Variants in NCKAP1 observed in about 807,000 individuals in gnomAD.
NCKAP1 encodes nck-associated protein 1.
In NCKAP1, 21 loss-of-function variants were observed where a neutral mutation model predicts 151.2. The ratio of observed to expected loss-of-function variants is 0.14; its 90% CI spans 0.10 to 0.20. NCKAP1 has a LOEUF of 0.20. Ranked by LOEUF, NCKAP1 falls within the 10% of genes least tolerant of loss-of-function variation. The pLI is 1.00. For synonymous variants in NCKAP1, 484 were observed against 451.8 expected (o/e 1.07, Z -0.90); for missense variants, 933 against 1,352.1 (o/e 0.69, Z 4.86).
At chr2:182,996,052 T>G (rs1349140264) in intron 6 of NCKAP1, among the ~76,000 whole-genome samples, 1 of 152,220 alleles carries the variant, frequency 6.6e-6, no homozygotes, top group Non-Finnish European at 1.5e-5. Context: ...TTCTGCGTTT[T>G]TGAGCAAAAG....
intron 17 of NCKAP1, 79 bp downstream of exon 17, chr2:182,964,597 T>C (rs532846599): frequency 8.0e-7 from 1 of 1,249,688 alleles, no homozygotes; most frequent in East Asian, 2.7e-5. Context: ...TAATTATGAC[T>C]GTAAATATTT....
intron 6 of NCKAP1, among the ~76,000 whole-genome samples, 200 bp from the exon 7 acceptor site, chr2:182,996,038 C>G (rs1321434433): frequency 6.6e-6 from 1 of 152,200 alleles, no homozygotes; most frequent in African/African-American, 2.4e-5. Context: ...AAAAGCTACA[C>G]AGATTCTGCG....
intron 1 of NCKAP1, chr2:183,024,940 G>C: frequency 6.2e-7 from 1 of 1,609,352 alleles, no homozygotes; most frequent in Admixed American, 1.7e-5. Context: ...TCTGAAAGCG[G>C]GCAAGCGGGC....
chr2:182,962,629 C>T (rs763588265), intron 17 of NCKAP1, among the ~76,000 whole-genome samples: 1 of 152,078 alleles, frequency 6.6e-6, no homozygotes, highest in Non-Finnish European at 1.5e-5. Context: ...TGAAAGCAAA[C>T]AGATTTAGAG....
chr2:182,953,081 C>T (rs375642506), intron 21 of NCKAP1, 32 bp downstream of exon 21: 23 of 1,553,952 alleles, frequency 1.5e-5, no homozygotes, highest in South Asian at 4.8e-5. Context: ...ACAAATTTTC[C>T]GCTACTACAA....
At chr2:182,962,349 T>C (rs902832400) in intron 17 of NCKAP1, 71 bp from the exon 18 acceptor site, 3 of 1,384,136 alleles carry the variant, frequency 2.2e-6, no homozygotes, top group African/African-American at 1.4e-5. Flanking sequence ...GACTTCTAAA[T>C]AGACATGGAA....
chr2:182,936,543 A>G (rs1419069956), intron 24 of NCKAP1, among the ~76,000 whole-genome samples: 1 of 152,160 alleles, frequency 6.6e-6, no homozygotes, highest in Non-Finnish European at 1.5e-5. Flanking sequence ...CTGGAAAGAG[A>G]TGTATATACT....
chr2:182,941,556 G>T (rs1236293404), intron 24 of NCKAP1, among the ~76,000 whole-genome samples: 7 of 152,206 alleles, frequency 4.6e-5, no homozygotes, highest in Admixed American at 4.6e-4. Context: ...AGAGACTGGG[G>T]TAGGAGACCA....
chr2:182,951,653 C>A (rs3922589), intron 23 of NCKAP1, among the ~76,000 whole-genome samples: 80,335 of 132,024 alleles, frequency 0.61, 27,713 homozygotes, highest in East Asian at 0.85. Flanking sequence ...AAAAAAAAAA[C>A]AAACAAACAA....
intron 6 of NCKAP1, among the ~76,000 whole-genome samples, chr2:183,000,097 A>G (rs1698349091): frequency 6.6e-6 from 1 of 152,172 alleles, no homozygotes; most frequent in South Asian, 2.1e-4. Context: ...CCAGCATCAC[A>G]CAATATACTC....
At chr2:182,964,207 G>A (rs1697516091) in intron 17 of NCKAP1, among the ~76,000 whole-genome samples, 2 of 152,108 alleles carry the variant, frequency 1.3e-5, no homozygotes, top group South Asian at 4.1e-4. Flanking sequence ...GTATGCACAT[G>A]CATGTATGTA....
intron 4 of NCKAP1, among the ~76,000 whole-genome samples, 168 bp downstream of exon 4, chr2:183,002,806 A>C (rs577828777): frequency 2.0e-5 from 3 of 152,202 alleles, no homozygotes; most frequent in African/African-American, 7.2e-5. Context: ...ATCAAAACAA[A>C]TAAAAAGAAT....
intron 22 of NCKAP1, 54 bp downstream of exon 22, chr2:182,952,739 A>C: frequency 6.7e-7 from 1 of 1,486,752 alleles, no homozygotes; most frequent in South Asian, 1.4e-5. Context: ...TCAAGACACT[A>C]GCAAAAGAAT....
intron 1 of NCKAP1, 79 bp downstream of exon 1, chr2:183,037,913 C>T: frequency 2.6e-6 from 3 of 1,146,092 alleles, no homozygotes; most frequent in Non-Finnish European, 3.5e-6. Flanking sequence ...TCCTGCCGCC[C>T]CCACCCCACG....
In NCKAP1 at chr2:182,913,253, G is replaced by T. The variant is rs182756076; in HGVS notation, c.*12449C>A. 2.8e-4 allele frequency: 43 copies of T among 152,300 alleles called. No individual in the cohort carries two copies. Among genetic ancestry groups the T allele is most frequent in the Admixed American group, 2.3e-3 (35 of 15,300 alleles). 9.4% of individuals were successfully genotyped at this position (152,300 alleles called of 1,614,324 possible). On this transcript the variant is annotated 3_prime_UTR_variant, in exon 31 of 31. Coordinates refer to ENST00000361354, the MANE Select transcript of NCKAP1 (RefSeq NM_013436.5). ...ATTGATTCAACAAATATTTATTGAG[G>T]ACTGTTGTGGCTTGAATGTGTCCCC...
intron 2 of NCKAP1, among the ~76,000 whole-genome samples, chr2:183,016,437 C>T (rs1169840328): frequency 6.6e-6 from 1 of 152,174 alleles, no homozygotes; most frequent in Admixed American, 6.5e-5. Context: ...CAACTCAATA[C>T]TGATGATATC....
At chr2:182,993,734 T>TA (rs151270583) in intron 8 of NCKAP1, among the ~76,000 whole-genome samples, 16,823 of 151,552 alleles carry the variant, frequency 0.11, 1,373 homozygotes, top group African/African-American at 0.23. Context: ...AAGGTTGGGA[T>TA]AAAAAAAACG....
chr2:182,966,688 T>C (rs553858729), intron 16 of NCKAP1, among the ~76,000 whole-genome samples: 1 of 152,014 alleles, frequency 6.6e-6, no homozygotes, highest in Non-Finnish European at 1.5e-5. Context: ...ATTATAGCCA[T>C]TAAGGACCAC....
intron 1 of NCKAP1, among the ~76,000 whole-genome samples, chr2:183,028,852 G>T (rs1472173172): frequency 6.6e-6 from 1 of 151,882 alleles, no homozygotes; most frequent in Non-Finnish European, 1.5e-5. Flanking sequence ...AGTGGCTCAC[G>T]CCTGTAATCC....
Sources: gnomAD v4.1 joint callset for allele counts (sites outside exome capture counted in the v4.1 genomes callset) on GRCh38, gnomAD v4.1.1 for gene constraint, MANE v1.5 for transcripts, NCBI Gene and HGNC (gene_info 2026-07-23, HGNC 2026-07-21) for gene names.